METAP1D: variants seen among roughly 807,000 people sequenced by gnomAD.
The protein encoded by METAP1D is methionine aminopeptidase 1D, mitochondrial.
A neutral mutation model predicts 40.5 loss-of-function variants in METAP1D; 31 were observed. The ratio of observed to expected loss-of-function variants is 0.77; its 90% confidence interval spans 0.58 to 1.03. METAP1D has a LOEUF of 1.03. METAP1D is among the 50% of genes least tolerant of loss of function. The pLI is 0.00. For missense variants in METAP1D, 411 were observed against 420.7 expected, an observed-to-expected ratio of 0.98 and a Z score of 0.20; for synonymous variants, 151 against 146.4, an observed-to-expected ratio of 1.03 and a Z score of -0.22.
intron 1 of METAP1D, among the ~76,000 whole-genome samples, chr2:172,033,278 A>G (rs953432172): frequency 3.3e-5 from 5 of 152,132 alleles, no homozygotes; most frequent in Non-Finnish European, 5.9e-5. Flanking sequence ...GGAGGAATTC[A>G]TTAAAACTGG....
At chr2:172,026,079 G>T (rs932075419) in intron 1 of METAP1D, among the ~76,000 whole-genome samples, 6 of 152,084 alleles carry the variant, frequency 3.9e-5, no homozygotes, top group Non-Finnish European at 8.8e-5. Flanking sequence ...TGTTTCAGTT[G>T]TTTTGTTAGA....
At chr2:172,020,534 A>T (rs1429650168) in intron 1 of METAP1D, among the ~76,000 whole-genome samples, 1 of 152,232 alleles carries the variant, frequency 6.6e-6, no homozygotes, top group Non-Finnish European at 1.5e-5. Context: ...TGTTTGCACA[A>T]TGTGTCCAAT....
intron 1 of METAP1D, among the ~76,000 whole-genome samples, chr2:172,057,652 C>G (rs1690031772): frequency 6.6e-6 from 1 of 152,146 alleles, no homozygotes; most frequent in Non-Finnish European, 1.5e-5. Flanking sequence ...GTTTTAGCTC[C>G]TGTTTTTTCT....
chr2:172,050,155 A>G (rs563209472), intron 1 of METAP1D, among the ~76,000 whole-genome samples: 4 of 152,226 alleles, frequency 2.6e-5, no homozygotes, highest in Non-Finnish European at 5.9e-5. Flanking sequence ...AAAAGGAAAG[A>G]AAGACATCCA....
intron 1 of METAP1D, among the ~76,000 whole-genome samples, chr2:172,012,665 T>C (rs1267732435): frequency 6.6e-6 from 1 of 152,192 alleles, no homozygotes; most frequent in African/African-American, 2.4e-5. Flanking sequence ...AGATTAATTT[T>C]CTAATGTTGT....
chr2:172,060,118 A>T (rs1453489261), intron 1 of METAP1D, among the ~76,000 whole-genome samples: 1 of 152,030 alleles, frequency 6.6e-6, no homozygotes, highest in African/African-American at 2.4e-5. Flanking sequence ...AATAAAATGA[A>T]TCAAAATGTC....
chr2:172,004,067 G>A (rs957824020), intron 1 of METAP1D, among the ~76,000 whole-genome samples: 2 of 152,094 alleles, frequency 1.3e-5, no homozygotes, highest in Non-Finnish European at 1.5e-5. Context: ...ACCGCACCTG[G>A]CCATTTACTT....
chr2:172,061,402 A>G, intron 1 of METAP1D, 96 bp from the exon 2 acceptor site: 1 of 1,093,600 alleles, frequency 9.1e-7, no homozygotes, highest in Admixed American at 2.5e-5. Flanking sequence ...ATAAGGTATT[A>G]GAATAATGAT....
rs1438642594 is a variant in METAP1D, at chr2:172,043,039, A to G, written c.41-18459A>G. ...TGTACACATATATGTGTATATGTGT[A>G]CACGTGTACACATATATGTGTATAT... On this transcript the variant is annotated intron_variant, in intron 1 of 9. Coordinates refer to ENST00000315796, the MANE Select transcript of METAP1D (RefSeq NM_199227.3). 2.7e-4 allele frequency among the ~76,000 whole-genome samples: 31 copies of G among 115,102 alleles called. 4 individuals are homozygous for G. Among genetic ancestry groups the G allele is most frequent in the African/African-American group, 7.5e-4 (27 of 36,128 alleles). 75.5% of individuals were successfully genotyped at this position (115,102 alleles called of 152,430 possible). A position where few individuals can be genotyped will look rare whatever the true frequency, so the allele number is the denominator to read the frequency against.
chr2:172,045,692 C>CGT (rs1689723294), intron 1 of METAP1D, among the ~76,000 whole-genome samples: 3 of 66,480 alleles, frequency 4.5e-5, no homozygotes, highest in African/African-American at 1.6e-4. Flanking sequence ...AAGGATCATT[C>CGT]ATATATATGT....
chr2:172,063,983 T>A, intron 3 of METAP1D, 123 bp downstream of exon 3: 2 of 1,207,256 alleles, frequency 1.7e-6, no homozygotes, highest in Non-Finnish European at 2.1e-6. Context: ...TTATTTGTTT[T>A]AAATTAATTT....
intron 1 of METAP1D, among the ~76,000 whole-genome samples, chr2:172,022,628 G>C (rs1689032475): frequency 6.6e-6 from 1 of 152,126 alleles, no homozygotes. Flanking sequence ...GGTTGTATTA[G>C]ATTTGGAATC....
chr2:172,022,762 A>C (rs1354048306), intron 1 of METAP1D, among the ~76,000 whole-genome samples: 2 of 152,206 alleles, frequency 1.3e-5, no homozygotes, highest in Non-Finnish European at 2.9e-5. Flanking sequence ...GAGTATTAGC[A>C]GTCAATGCAA....
chr2:172,021,157 T>C lies in METAP1D; in HGVS notation c.40+21148T>C, dbSNP rs572341145. On this transcript the variant is annotated intron_variant, in intron 1 of 9. Coordinates refer to ENST00000315796, the MANE Select transcript of METAP1D (RefSeq NM_199227.3). ...CTCCTCACTTCTTCGTTTTAATTTT[T>C]TGTTTGCATTTTCACGTTTAGGTAA... is the stretch of plus-strand genomic sequence containing the variant. 7.2e-5 allele frequency among the ~76,000 whole-genome samples: 11 copies of C among 152,332 alleles called. No homozygotes were observed. In the South Asian group the frequency reaches 2.1e-3, roughly 29 times the overall value.
At chr2:172,069,684 C>T (rs1285429053) in intron 5 of METAP1D, among the ~76,000 whole-genome samples, 3 of 152,162 alleles carry the variant, frequency 2.0e-5, no homozygotes, top group Non-Finnish European at 4.4e-5. Flanking sequence ...AAACACTATT[C>T]TGTTGCAAGG....
chr2:172,045,699 A>ATGTGTGTGTG (rs796722451), intron 1 of METAP1D, among the ~76,000 whole-genome samples: 10,059 of 81,376 alleles, frequency 0.12, 941 homozygotes, highest in Non-Finnish European at 0.17. Context: ...ATTCATATAT[A>ATGTGTGTGTG]TGTGTGTGTG....
At chr2:172,042,135 G>A (rs1367750398) in intron 1 of METAP1D, among the ~76,000 whole-genome samples, 1 of 100,062 alleles carries the variant, frequency 1.0e-5, no homozygotes, top group African/African-American at 4.0e-5. Flanking sequence ...AAAAATATAT[G>A]TATATATACA....
At chr2:172,015,961 CTA>C (rs1251591845) in intron 1 of METAP1D, among the ~76,000 whole-genome samples, 1 of 147,148 alleles carries the variant, frequency 6.8e-6, no homozygotes, top group African/African-American at 2.5e-5. Context: ...TGTCTTAAAA[CTA>C]TAAAAATAGA....
chr2:172,033,847 CG>C (rs1344942138), intron 1 of METAP1D, among the ~76,000 whole-genome samples: 2 of 148,992 alleles, frequency 1.3e-5, no homozygotes, highest in Admixed American at 6.7e-5. Flanking sequence ...GAGGCCGAGG[CG>C]GGGGGGATCA....
Sources: allele counts gnomAD v4.1 joint callset (sites outside exome capture counted in the v4.1 genomes callset), GRCh38; gene constraint gnomAD v4.1.1; transcripts MANE v1.5; gene names NCBI Gene and HGNC (gene_info 2026-07-23, HGNC 2026-07-21).